Variants in RBFOX1 observed in about 807,000 individuals in gnomAD.
The protein encoded by RBFOX1 is RNA binding fox-1 homolog 1.
RBFOX1 carries 8 observed loss-of-function variants against 57.7 expected under a neutral mutation model. That is an observed-to-expected ratio of 0.14 (90% CI 0.08 to 0.25). The LOEUF (loss-of-function observed/expected upper bound fraction) is 0.25. Ranked by LOEUF, RBFOX1 falls within the 10% of genes least tolerant of loss-of-function variation. The probability of loss-of-function intolerance (pLI) is 1.00; values close to 1 mark genes in which losing one functional copy is unlikely to be tolerated. For missense variants in RBFOX1, 611 were observed against 548.5 expected, an observed-to-expected ratio of 1.11 and a Z score of -1.14; for synonymous variants, 326 against 222.4, an observed-to-expected ratio of 1.47 and a Z score of -4.15.
intron 14 of RBFOX1, among the ~76,000 whole-genome samples, chr16:7,703,627 T>C (rs556184712): frequency 3.3e-5 from 5 of 152,328 alleles, no homozygotes; most frequent in Non-Finnish European, 5.9e-5. Flanking sequence ...CATGGGCCCA[T>C]TGTATCTCAT....
In RBFOX1 at chr16:6,423,422, G is replaced by A. The variant is rs148902621; in HGVS notation, c.-64+106365G>A. ...GGGACCAGCCTGGGCAACATGGTGA[G>A]ACCCCGTCTCTACTAAAAATACAAA... On this transcript the variant is annotated intron_variant, in intron 2 of 15. Coordinates refer to ENST00000550418, the MANE Select transcript of RBFOX1 (RefSeq NM_018723.4). Among the ~76,000 whole-genome samples, 1,321 of 151,896 alleles carry A rather than the reference G, an allele frequency of 8.7e-3. 38 individuals carry two copies. The East Asian group carries it at 0.13, about 15-fold the overall frequency.
chr16:6,375,475 A>G lies in RBFOX1; in HGVS notation c.-64+58418A>G, dbSNP rs147246734. 1.1e-4 allele frequency among the ~76,000 whole-genome samples: 16 copies of G among 152,000 alleles called. No individual in the cohort carries two copies. The East Asian group carries it at 1.7e-3, about 17-fold the overall frequency. On this transcript the variant is annotated intron_variant, in intron 2 of 15. Transcript: ENST00000550418. ...AGAAGAAAACTGGTTGTATTTCTCT[A>G]ACATTTTTAGGCAGATGATCGTTTC...
chr16:6,931,227 G>T (rs1252482618), intron 3 of RBFOX1, among the ~76,000 whole-genome samples: 1 of 150,780 alleles, frequency 6.6e-6, no homozygotes, highest in African/African-American at 2.4e-5. Context: ...CTACTGATGG[G>T]AATTAAGGGG....
intron 1 of RBFOX1, among the ~76,000 whole-genome samples, chr16:6,023,764 C>T (rs912307915): frequency 1.2e-4 from 18 of 152,190 alleles, no homozygotes; most frequent in Admixed American, 3.3e-4. Context: ...TTTAATCTGT[C>T]GCTTTCACAT....
chr16:6,616,425 C>A (rs914793382), intron 2 of RBFOX1, among the ~76,000 whole-genome samples: 3 of 151,786 alleles, frequency 2.0e-5, no homozygotes, highest in African/African-American at 7.3e-5. Context: ...GCCTGTAATC[C>A]CAACACTTCA....
intron 1 of RBFOX1, chr16:5,270,141 A>G (rs1204655622): frequency 2.2e-5 from 6 of 278,810 alleles, no homozygotes; most frequent in Admixed American, 1.9e-4. Context: ...CCAAAAATAT[A>G]AAATTTAGCC....
intron 1 of RBFOX1, among the ~76,000 whole-genome samples, chr16:6,212,426 C>G (rs971711840): frequency 1.3e-5 from 2 of 151,292 alleles, no homozygotes; most frequent in Admixed American, 6.6e-5. Context: ...ATATCCACGG[C>G]TGGGTGTTTT....
chr16:5,754,360 G>A (rs1488533195), intron 3 of RBFOX1, among the ~76,000 whole-genome samples: 2 of 152,192 alleles, frequency 1.3e-5, no homozygotes, highest in African/African-American at 2.4e-5. Flanking sequence ...TTGTTAGGAA[G>A]GAAGGGAGTG....
intron 4 of RBFOX1, among the ~76,000 whole-genome samples, chr16:7,311,820 A>C (rs2096316496): frequency 6.6e-6 from 1 of 152,184 alleles, no homozygotes; most frequent in Non-Finnish European, 1.5e-5. Flanking sequence ...TTTTTTTGAA[A>C]AACGATAGTG....
At chr16:7,271,771 T>C (rs2095323666) in intron 4 of RBFOX1, among the ~76,000 whole-genome samples, 1 of 152,022 alleles carries the variant, frequency 6.6e-6, no homozygotes, top group Non-Finnish European at 1.5e-5. Context: ...TCTGTATCCA[T>C]AGCTAAGGGT....
At chr16:5,313,664 AAG>A (rs897098709) in intron 1 of RBFOX1, among the ~76,000 whole-genome samples, 3 of 152,296 alleles carry the variant, frequency 2.0e-5, no homozygotes, top group African/African-American at 7.2e-5. Flanking sequence ...GCGGCAGACA[AAG>A]AGAGAGAGTT....
At chr16:6,470,951 A>G (rs187360201) in intron 2 of RBFOX1, among the ~76,000 whole-genome samples, 25 of 152,322 alleles carry the variant, frequency 1.6e-4, no homozygotes, top group African/African-American at 4.8e-4. Flanking sequence ...CTAAGATACA[A>G]TAAAATAATC....
At chr16:7,371,447 T>A (rs779852731) in intron 4 of RBFOX1, among the ~76,000 whole-genome samples, 1 of 152,210 alleles carries the variant, frequency 6.6e-6, no homozygotes, top group Non-Finnish European at 1.5e-5. Flanking sequence ...AGCACCATTG[T>A]GTATAGATAT....
At chr16:6,510,291 C>G (rs2096226283) in intron 2 of RBFOX1, among the ~76,000 whole-genome samples, 1 of 152,134 alleles carries the variant, frequency 6.6e-6, no homozygotes, top group Non-Finnish European at 1.5e-5. Flanking sequence ...GCCGGCTTTT[C>G]AGTCACCTCA....
chr16:6,159,625 C>A (rs887732742), intron 1 of RBFOX1, among the ~76,000 whole-genome samples: 2 of 152,156 alleles, frequency 1.3e-5, no homozygotes, highest in African/African-American at 4.8e-5. Context: ...TTCACTCTGG[C>A]CATTGACCTT....
At chr16:6,553,519 C>G (rs988522517) in intron 2 of RBFOX1, among the ~76,000 whole-genome samples, 4 of 152,194 alleles carry the variant, frequency 2.6e-5, no homozygotes, top group Non-Finnish European at 4.4e-5. Flanking sequence ...GTACATGCAC[C>G]TCAAACCTAC....
At chr16:5,403,505 A>G (rs2066776408) in intron 1 of RBFOX1, among the ~76,000 whole-genome samples, 1 of 152,112 alleles carries the variant, frequency 6.6e-6, no homozygotes, top group Non-Finnish European at 1.5e-5. Context: ...GTGCAGTGGC[A>G]CAATCTTGGC....
intron 3 of RBFOX1, among the ~76,000 whole-genome samples, chr16:5,727,929 C>G (rs2052214860): frequency 6.6e-6 from 1 of 152,208 alleles, no homozygotes; most frequent in South Asian, 2.1e-4. Context: ...TCAAGTGGTC[C>G]TTCCACCTTG....
intron 3 of RBFOX1, among the ~76,000 whole-genome samples, chr16:5,751,812 A>G (rs1245702508): frequency 1.3e-5 from 2 of 152,196 alleles, no homozygotes; most frequent in African/African-American, 2.4e-5. Flanking sequence ...ATGGTTTTTT[A>G]TTCCTTATTG....
Sources: gnomAD v4.1 joint callset for allele counts (sites outside exome capture counted in the v4.1 genomes callset) on GRCh38, gnomAD v4.1.1 for gene constraint, MANE v1.5 for transcripts, NCBI Gene and HGNC (gene_info 2026-07-23, HGNC 2026-07-21) for gene names.